The following RUVBL1 variants were observed in gnomAD, a reference collection of about 807,000 sequenced individuals.
The protein encoded by RUVBL1 is RuvB like AAA ATPase 1.
RUVBL1 carries 4 observed loss-of-function variants against 52.4 expected under a neutral mutation model. The observed-to-expected ratio is 0.08, with a 90% CI of 0.04 to 0.17. RUVBL1 has a LOEUF of 0.17. RUVBL1 is among the 10% of genes least tolerant of loss of function. The pLI is 1.00. For synonymous variants in RUVBL1, 217 were observed against 214.4 expected (o/e 1.01, Z -0.10); for missense variants, 298 against 572.8 (o/e 0.52, Z 4.90).
At chr3:128,153,909 C>G (rs1944311544) in exon 1 of RUVBL1, 3 of 1,415,386 alleles carry the variant, frequency 2.1e-6, no homozygotes, top group Non-Finnish European at 2.7e-6. Context: ...GAGCCTTTGC[C>G]GGGACGGGAA....
chr3:128,104,995 C>T (rs994719441), intron 3 of RUVBL1, 71 bp from the exon 4 acceptor site: 1 of 1,523,274 alleles, frequency 6.6e-7, no homozygotes, highest in African/African-American at 1.4e-5. Flanking sequence ...CCCAAAACTT[C>T]CATGTCACCA....
Position 128,067,370 on chromosome 3 carries a change from C to T in RUVBL1, c.940-2150G>A. 2 of 1,561,702 alleles carry T rather than the reference C, an allele frequency of 1.3e-6. No homozygotes were observed. The highest frequency in any genetic ancestry group is 1.9e-5 in the Admixed American group (1 of 53,072). ...GCTCAGAACTATTTTTGCCTTGATG[C>T]TAAAGTAAAATGAAGGAGCACTCAC... is the stretch of plus-strand genomic sequence containing the variant. On this transcript the variant is annotated intron_variant, in intron 9 of 9. Transcript: ENST00000464873. This position sits in a 1 kb window ranked among gnomAD's most constrained non-coding sequence, Gnocchi z 4.1.
rs79806049 is a variant in RUVBL1, at chr3:128,081,924, G to C, written c.1212-515C>G. On this transcript the variant is annotated intron_variant, in intron 10 of 10. Coordinates refer to ENST00000322623, the MANE Select transcript of RUVBL1 (RefSeq NM_003707.3). This position sits in a 1 kb window ranked among gnomAD's most constrained non-coding sequence, Gnocchi z 4.8. ...GGGATGTAGGGAAGGGCTGAGGACT[G>C]TGAAGCAATGATTTTACAATGAGTC... The C allele has an allele frequency of 6.1e-6, 1 of 164,022 alleles. No homozygotes were observed. Among genetic ancestry groups the C allele is most frequent in the East Asian group, 1.8e-4 (1 of 5,650 alleles). The allele number at this position is 164,022 out of a possible 1,614,324, so 10.2% of individuals were successfully genotyped here. A position where few individuals can be genotyped will look rare whatever the true frequency, so the allele number is the denominator to read the frequency against.
intron 1 of RUVBL1, among the ~76,000 whole-genome samples, chr3:128,152,622 G>A (rs1212809932): frequency 1.1e-4 from 17 of 152,132 alleles, no homozygotes; most frequent in Admixed American, 1.1e-3. Context: ...CAGGCACTTG[G>A]TAAGATCTTG....
chr3:128,145,955 A>G (rs1476899561), intron 1 of RUVBL1, among the ~76,000 whole-genome samples: 2 of 152,192 alleles, frequency 1.3e-5, no homozygotes, highest in African/African-American at 4.8e-5. Flanking sequence ...CCCAGGGGGA[A>G]GCAGATAATG....
chr3:128,127,588 C>T (rs1943810596), upstream of RUVBL1, among the ~76,000 whole-genome samples: 1 of 152,220 alleles, frequency 6.6e-6, no homozygotes, highest in Admixed American at 6.5e-5. Flanking sequence ...CTGCCTTCTT[C>T]ACTGCCTCCT....
At chr3:128,075,465 A>G (rs1001356702) in intron 9 of RUVBL1, among the ~76,000 whole-genome samples, 1 of 152,190 alleles carries the variant, frequency 6.6e-6, no homozygotes, top group Non-Finnish European at 1.5e-5. Flanking sequence ...TCAAAAAACT[A>G]AGTGTATGCA....
At chr3:128,144,605 C>T (rs1944076150) in intron 1 of RUVBL1, among the ~76,000 whole-genome samples, 1 of 152,150 alleles carries the variant, frequency 6.6e-6, no homozygotes. Context: ...AGTTATGGGG[C>T]TTTGCGTGTG....
chr3:128,104,264 C>G (rs1943173276), intron 4 of RUVBL1, among the ~76,000 whole-genome samples: 1 of 152,352 alleles, frequency 6.6e-6, no homozygotes, highest in South Asian at 2.1e-4. Context: ...CTGTACTAAA[C>G]AGAACCAGCC....
At chr3:128,116,244 C>T (rs1943519671) in intron 2 of RUVBL1, among the ~76,000 whole-genome samples, 1 of 151,644 alleles carries the variant, frequency 6.6e-6, no homozygotes, top group South Asian at 2.1e-4. Context: ...TGGGCCATAA[C>T]AAAATACATC....
At chr3:128,139,914 T>C (rs1345050953) in intron 1 of RUVBL1, among the ~76,000 whole-genome samples, 1 of 152,178 alleles carries the variant, frequency 6.6e-6, no homozygotes, top group African/African-American at 2.4e-5. Flanking sequence ...GTGGGAATGC[T>C]TAATGGGTAC....
chr3:128,068,906 G>C (rs1183105833), intron 9 of RUVBL1: 1 of 152,302 alleles, frequency 6.6e-6, no homozygotes, highest in Non-Finnish European at 1.5e-5. Flanking sequence ...TTGTCCTATG[G>C]GCCTTACCTA....
rs1431431058 is a variant in RUVBL1 at position 128,067,530 on chromosome 3, T to G, written c.940-2310A>C. On this transcript the variant is annotated intron_variant, in intron 9 of 9. Coordinates refer to the RUVBL1 transcript ENST00000464873. This position sits in a 1 kb window ranked among gnomAD's most constrained non-coding sequence, Gnocchi z 4.1. ...GTGTTAGAAGACCCGGTCCATGCAG[T>G]TGTATACATAGTGTTCATGCTGGGC... The G allele has an allele frequency of 2.5e-6, 4 of 1,614,126 alleles. No homozygotes were observed. Among genetic ancestry groups the G allele is most frequent in the Non-Finnish European group, 3.4e-6 (4 of 1,180,004 alleles).
rs779539434 is a variant in RUVBL1 at position 128,069,936 on chromosome 3, A to C, written c.940-4716T>G. 9 of 352,370 alleles carry C rather than the reference A, an allele frequency of 2.6e-5. 1 individual carries two copies. In the South Asian group the frequency reaches 4.3e-4, roughly 17 times the overall value. 21.8% of individuals were successfully genotyped at this position (352,370 alleles called of 1,614,324 possible). A position where few individuals can be genotyped will look rare whatever the true frequency, so the allele number is the denominator to read the frequency against. On this transcript the variant is annotated intron_variant, in intron 9 of 9. Transcript: ENST00000464873. The stretch of plus-strand genomic sequence containing the variant: ...TAGGATTGTCCCCAAGTGTCCATGT[A>C]ACTTTTGTTTTAACCTTTGCACCTT...
intron 8 of RUVBL1, among the ~76,000 whole-genome samples, chr3:128,094,003 C>A (rs1053731760): frequency 2.0e-5 from 3 of 152,154 alleles, no homozygotes; most frequent in Non-Finnish European, 4.4e-5. Context: ...CAAGCCATGT[C>A]CACAGAGCAG....
At chr3:128,098,374 T>C (rs557539541) in intron 7 of RUVBL1, among the ~76,000 whole-genome samples, 1 of 152,310 alleles carries the variant, frequency 6.6e-6, no homozygotes, top group South Asian at 2.1e-4. Context: ...AATGTTTAAC[T>C]AACATCTTAA....
intron 9 of RUVBL1, among the ~76,000 whole-genome samples, chr3:128,087,055 C>T (rs1045657255): frequency 6.6e-5 from 10 of 152,246 alleles, no homozygotes; most frequent in African/African-American, 2.4e-4. Flanking sequence ...GATGCTGTCT[C>T]GCCATCACCT....
In RUVBL1 at chr3:128,119,278, A is replaced by G. The variant is rs190123657; in HGVS notation, c.228+50T>C. On this transcript the variant is annotated intron_variant, in intron 2 of 10. Transcript: ENST00000322623. ...GACATGAATTCAATTTGGCTTAGAC[A>G]CTAGGATCATTCTCCTGGGTAGATT... The G allele has an allele frequency of 1.4e-4, 207 of 1,449,426 alleles. 1 individual carries two copies. The East Asian group carries it at 4.2e-3, about 30-fold the overall frequency. The allele number at this position is 1,449,426 out of a possible 1,614,324, so 89.8% of individuals were successfully genotyped here. A position where few individuals can be genotyped will look rare whatever the true frequency, so the allele number is the denominator to read the frequency against.
chr3:128,139,901 G>A (rs983494893), intron 1 of RUVBL1, among the ~76,000 whole-genome samples: 2 of 152,112 alleles, frequency 1.3e-5, no homozygotes, highest in African/African-American at 4.8e-5. Context: ...GTGGGGATGC[G>A]GAGTGGGAAT....
Sources: gnomAD v4.1 joint callset for allele counts (sites outside exome capture counted in the v4.1 genomes callset) on GRCh38, gnomAD v4.1.1 for gene constraint, Gnocchi (gnomAD v3.1) non-coding constraint, MANE v1.5 for transcripts, NCBI Gene and HGNC (gene_info 2026-07-23, HGNC 2026-07-21) for gene names.